Variants in CLDN16 observed in about 807,000 individuals in gnomAD.
CLDN16 encodes claudin-16.
CLDN16 carries 13 observed loss-of-function variants against 24.6 expected under a neutral mutation model. The ratio of observed to expected loss-of-function variants is 0.53; its 90% CI spans 0.34 to 0.84. CLDN16 has a LOEUF of 0.84. Among genes scored for constraint, CLDN16 ranks in the 40% least tolerant of loss-of-function variants. CLDN16 has a pLI of 0.01. For synonymous variants in CLDN16, 116 were observed against 106.7 expected (o/e 1.09, Z -0.54); for missense variants, 298 against 292.7 (o/e 1.02, Z -0.13).
intron 1 of CLDN16, among the ~76,000 whole-genome samples, chr3:190,342,116 C>A (rs1038872124): frequency 6.6e-6 from 1 of 152,204 alleles, no homozygotes; most frequent in Admixed American, 6.5e-5. Context: ...CCAAACTGTT[C>A]CAAACTCTGC....
At chr3:190,312,845 G>A in the CLDN16 span, 17 of 1,612,664 alleles carry the variant, frequency 1.1e-5, no homozygotes, top group East Asian at 3.3e-4. Context: ...GGTTAGTAAG[G>A]TGAAAGGGGG....
chr3:190,306,668 A>G, the CLDN16 span: 101,037 of 152,528 alleles, frequency 0.66, 34,534 homozygotes, highest in African/African-American at 0.83. Context: ...CCAGACACCA[A>G]TGCCAACACC....
intron 1 of CLDN16, among the ~76,000 whole-genome samples, chr3:190,343,014 T>C (rs1717471765): frequency 6.6e-6 from 1 of 151,846 alleles, no homozygotes; most frequent in Non-Finnish European, 1.5e-5. Context: ...ATCAACAAAA[T>C]GAAAAGACAA....
chr3:190,340,603 T>C (rs947903907), intron 1 of CLDN16, among the ~76,000 whole-genome samples: 6 of 152,118 alleles, frequency 3.9e-5, no homozygotes, highest in African/African-American at 1.4e-4. Flanking sequence ...GAGATTTGGG[T>C]GGGGACACAA....
chr3:190,337,559 G>A (rs960217094), intron 1 of CLDN16, among the ~76,000 whole-genome samples: 3 of 152,284 alleles, frequency 2.0e-5, no homozygotes, highest in African/African-American at 4.8e-5. Flanking sequence ...TCATATACCC[G>A]ATGCCATATC....
intron 1 of CLDN16, among the ~76,000 whole-genome samples, chr3:190,332,424 A>G (rs779578482): frequency 1.1e-4 from 16 of 152,204 alleles, no homozygotes; most frequent in Non-Finnish European, 2.2e-4. Context: ...ATGATTGAGT[A>G]AAGAGAGACA....
intron 3 of CLDN16, among the ~76,000 whole-genome samples, chr3:190,378,456 C>T (rs1003964227): frequency 2.0e-5 from 3 of 151,986 alleles, no homozygotes; most frequent in Non-Finnish European, 4.4e-5. Flanking sequence ...CACTCATGAT[C>T]ACTCATGATT....
rs554550016 is a variant in CLDN16, at chr3:190,354,713, C to A, written n.122-16180C>A. Among the ~76,000 whole-genome samples the A allele has an allele frequency of 1.1e-3, 166 of 152,138 alleles. 1 individual carries two copies. Among genetic ancestry groups the A allele is most frequent in the African/African-American group, 3.8e-3 (157 of 41,548 alleles). On this transcript the variant is annotated intron_variant and non_coding_transcript_variant, in intron 1 of 4. Coordinates refer to the CLDN16 transcript ENST00000468220. ...GAGCCAAGCCTAGGACTACTTGAAA[C>A]CTTATAGTTTCAGGCTTTGTGGCGT...
intron 2 of CLDN16, among the ~76,000 whole-genome samples, chr3:190,403,454 T>C (rs1464390615): frequency 2.0e-5 from 3 of 152,226 alleles, no homozygotes; most frequent in Non-Finnish European, 4.4e-5. Flanking sequence ...TTCTCCATAG[T>C]GTTTATTTGT....
the CLDN16 span, among the ~76,000 whole-genome samples, chr3:190,302,911 A>C: frequency 2.6e-5 from 4 of 151,726 alleles, no homozygotes; most frequent in Admixed American, 2.0e-4. Context: ...GATGCTCTGT[A>C]AAAAAATAAA....
At chr3:190,335,453 G>A (rs1483473634) in intron 1 of CLDN16, among the ~76,000 whole-genome samples, 1 of 151,854 alleles carries the variant, frequency 6.6e-6, no homozygotes, top group Non-Finnish European at 1.5e-5. Context: ...AGTGGCTCAC[G>A]CCTGTAATCC....
At position 190,404,771 on chromosome 3, in the gene CLDN16, T is replaced by G; in HGVS notation, c.227T>G (p.Val76Gly). 1 of 1,614,142 alleles carries G rather than the reference T, an allele frequency of 6.2e-7. No individual in the cohort carries two copies. Residue 76 changes from valine to glycine, a missense_variant, in exon 3 of 5, where the codon GTG (valine) becomes GGG (glycine). Transcript: ENST00000264734. ...TGCCCTGGTCTTCCAGTGAAGCTGGTGGTAACTCGAGCGTTGATGATTACT... is the reference window on the plus strand; with the variant it reads ...TGCCCTGGTCTTCCAGTGAAGCTGGGGGTAACTCGAGCGTTGATGATTACT... ...SILAEHPLKL[V>G]VTRALMITAD...
chr3:190,387,586 T>G (rs1465320328), upstream of CLDN16, among the ~76,000 whole-genome samples: 1 of 152,174 alleles, frequency 6.6e-6, no homozygotes, highest in Non-Finnish European at 1.5e-5. Flanking sequence ...GCCCAAGGGC[T>G]CTCAGACCAT....
the CLDN16 span, among the ~76,000 whole-genome samples, chr3:190,292,075 G>A: frequency 0.35 from 53,807 of 152,010 alleles, 10,286 homozygotes; most frequent in East Asian, 0.62. Flanking sequence ...AGCTCCATTA[G>A]GCAGTGACCC....
the CLDN16 span, chr3:190,305,555 C>T: frequency 6.6e-6 from 1 of 152,162 alleles, no homozygotes; most frequent in Non-Finnish European, 1.5e-5. Context: ...ATAGGGCATT[C>T]TAGTGGGTGG....
intron 3 of CLDN16, among the ~76,000 whole-genome samples, chr3:190,376,069 C>A (rs1560090628): frequency 6.6e-6 from 1 of 151,786 alleles, no homozygotes; most frequent in Non-Finnish European, 1.5e-5. Context: ...TAGCTTGGAA[C>A]TGAAAGAACA....
At chr3:190,348,995 C>G (rs1717615940) in intron 1 of CLDN16, among the ~76,000 whole-genome samples, 1 of 152,168 alleles carries the variant, frequency 6.6e-6, no homozygotes, top group African/African-American at 2.4e-5. Context: ...AGGACATAAT[C>G]TCATTCTTTT....
chr3:190,384,532 G>T (rs1718440868), upstream of CLDN16, among the ~76,000 whole-genome samples: 1 of 152,322 alleles, frequency 6.6e-6, no homozygotes. Context: ...TCCAGGAGTA[G>T]TGCAAGCACT....
At chr3:190,317,709 C>T (rs78903486), upstream of CLDN16, among the ~76,000 whole-genome samples, 229 of 152,264 alleles carry the variant, frequency 1.5e-3, 4 homozygotes, top group East Asian at 0.041. Context: ...ACTAAATCTG[C>T]ACATGCTCAA....
Sources: gnomAD v4.1 joint callset for allele counts (sites outside exome capture counted in the v4.1 genomes callset) on GRCh38, gnomAD v4.1.1 for gene constraint, MANE v1.5 for transcripts, NCBI Gene and HGNC (gene_info 2026-07-23, HGNC 2026-07-21) for gene names.